Variants in HPD observed in about 807,000 individuals in gnomAD.
HPD encodes 4-hydroxyphenylpyruvate dioxygenase.
HPD carries 35 observed loss-of-function variants against 56.9 expected under a neutral mutation model. The observed-to-expected ratio is 0.62, with a 90% CI of 0.47 to 0.82. HPD has a LOEUF of 0.82. HPD is among the 40% of genes least tolerant of loss of function. HPD has a pLI of 0.00. For missense variants in HPD, 442 were observed against 506.8 expected, an observed-to-expected ratio of 0.87 and a Z score of 1.23; for synonymous variants, 186 against 200.2, an observed-to-expected ratio of 0.93 and a Z score of 0.60.
upstream of HPD, among the ~76,000 whole-genome samples, chr12:121,864,383 T>C (rs1258159559): frequency 6.6e-6 from 1 of 150,422 alleles, no homozygotes; most frequent in Admixed American, 6.6e-5. Context: ...TGAGACCCTG[T>C]CTCTACAAAA....
At chr12:121,865,408 T>C (rs1372262573), upstream of HPD, among the ~76,000 whole-genome samples, 2 of 151,260 alleles carry the variant, frequency 1.3e-5, no homozygotes, top group East Asian at 4.2e-4. Context: ...TAACTGGGAT[T>C]ATGGGTGCCC....
intron 7 of HPD, among the ~76,000 whole-genome samples, chr12:121,851,925 G>A (rs1311672097): frequency 3.3e-5 from 1 of 30,372 alleles, no homozygotes; most frequent in Non-Finnish European, 7.4e-5. Context: ...GGGTTTCACC[G>A]TGTTAGCCAG....
the HPD span, among the ~76,000 whole-genome samples, chr12:121,887,260 C>G: frequency 7.3e-5 from 11 of 151,382 alleles, no homozygotes; most frequent in Non-Finnish European, 5.9e-5. Flanking sequence ...CTATGTTGCC[C>G]AGGCTAGTCT....
intron 2 of HPD, 127 bp downstream of exon 2, chr12:121,858,560 C>T: frequency 2.1e-6 from 2 of 953,448 alleles, no homozygotes; most frequent in East Asian, 2.4e-5. Flanking sequence ...GCTGAGTGTG[C>T]AGGCATGCAC....
intron 11 of HPD, among the ~76,000 whole-genome samples, chr12:121,845,600 CAAA>C (rs368263414): frequency 4.3e-5 from 4 of 92,634 alleles, no homozygotes; most frequent in Non-Finnish European, 2.1e-5. Flanking sequence ...GGCTCCGTCT[CAAA>C]AAAAAAAAAA....
chr12:121,850,894 G>A lies in HPD; in HGVS notation c.415-1104C>T, dbSNP rs552980620. 7.7e-5 allele frequency among the ~76,000 whole-genome samples: 11 copies of A among 142,158 alleles called. No homozygotes were observed. The South Asian group carries it at 2.0e-3, about 26-fold the overall frequency. The allele number at this position is 142,158 out of a possible 152,430, so 93.3% of individuals were successfully genotyped here. A position where few individuals can be genotyped will look rare whatever the true frequency, so the allele number is the denominator to read the frequency against. On this transcript the variant is annotated intron_variant, in intron 7 of 13. Coordinates refer to ENST00000289004, the MANE Select transcript of HPD (RefSeq NM_002150.3). ...TTTTTTTTTTTTGAGACAGAGCTCC[G>A]CTCTTGTTGCCCAGGCTGGAGTGCA...
chr12:121,841,364 C>T (rs936864443), intron 12 of HPD, among the ~76,000 whole-genome samples: 1 of 152,136 alleles, frequency 6.6e-6, no homozygotes, highest in African/African-American at 2.4e-5. Context: ...AGCAAGACTC[C>T]ATCTCTAAAC....
the HPD span, among the ~76,000 whole-genome samples, chr12:121,883,715 T>G: frequency 6.6e-6 from 1 of 150,716 alleles, no homozygotes; most frequent in Non-Finnish European, 1.5e-5. Context: ...AACTGGGTCT[T>G]GCCACGTTGC....
chr12:121,883,181 TGTGTGTGTGTGTG>T, the HPD span, among the ~76,000 whole-genome samples: 10 of 2,300 alleles, frequency 4.3e-3, no homozygotes, highest in African/African-American at 6.8e-3. Context: ...GAGCATAAGT[TGTGTGTGTGTGTG>T]TGTGTGTGTG....
chr12:121,870,696 A>G, the HPD span, among the ~76,000 whole-genome samples: 4 of 148,236 alleles, frequency 2.7e-5, no homozygotes, highest in African/African-American at 1.0e-4. Context: ...TCCTGGGTTC[A>G]AGCGATTCTC....
At chr12:121,886,453 C>A in the HPD span, among the ~76,000 whole-genome samples, 1 of 146,934 alleles carries the variant, frequency 6.8e-6, no homozygotes, top group Non-Finnish European at 1.5e-5. Flanking sequence ...CTTGCTCTGC[C>A]GCTCAGGCAG....
At chr12:121,881,362 CA>C in the HPD span, among the ~76,000 whole-genome samples, 1 of 152,198 alleles carries the variant, frequency 6.6e-6, no homozygotes, top group African/African-American at 2.4e-5. Context: ...TTATCACCTT[CA>C]GCCAACCTGA....
chr12:121,847,276 C>T, intron 9 of HPD, 62 bp from the exon 10 acceptor site: 1 of 1,489,920 alleles, frequency 6.7e-7, no homozygotes, highest in Admixed American at 1.7e-5. Flanking sequence ...CTCCATCACC[C>T]ATTTCCACCT....
rs750266795 is a variant in HPD, at chr12:121,839,986, C to T, written c.1017G>A (p.Pro339=). The change falls in exon 13 of 14, where the codon CCG becomes CCA. Residue 339 remains proline (P), a synonymous_variant. Coordinates refer to ENST00000289004, the MANE Select transcript of HPD (RefSeq NM_002150.3). ...GGAAGAGCGTGGGCCGGTCCTGCAC[C>T]GGTTTGGTGAAGATCTGCAGGAGGT... ...KGYLLQIFTK[P]VQDRPTLFLE... 1.5e-5 allele frequency: 24 copies of T among 1,613,808 alleles called. No individual in the cohort carries two copies. Among genetic ancestry groups the T allele is most frequent in the Non-Finnish European group, 2.0e-5 (24 of 1,179,962 alleles).
the HPD span, among the ~76,000 whole-genome samples, chr12:121,869,207 G>C: frequency 6.6e-6 from 1 of 151,936 alleles, no homozygotes; most frequent in Non-Finnish European, 1.5e-5. Flanking sequence ...AAAATTAACC[G>C]GACATGGTGG....
chr12:121,851,699 ATTTTTTTTT>A (rs1284294966), intron 7 of HPD, among the ~76,000 whole-genome samples: 3 of 12,404 alleles, frequency 2.4e-4, no homozygotes, highest in Non-Finnish European at 5.4e-4. Context: ...TTATTTATTT[ATTTTTTTTT>A]TTTTTTTTTT....
the HPD span, among the ~76,000 whole-genome samples, chr12:121,886,025 C>A: frequency 2.0e-5 from 3 of 151,672 alleles, no homozygotes; most frequent in African/African-American, 7.3e-5. Context: ...GAACTCCTGA[C>A]CTCAGGTGAT....
upstream of HPD, among the ~76,000 whole-genome samples, chr12:121,864,592 G>A (rs942175600): frequency 3.0e-4 from 43 of 145,334 alleles, 1 homozygote; most frequent in African/African-American, 1.1e-3. Flanking sequence ...AGTGGCTCAC[G>A]TCTGTAATCC....
the HPD span, among the ~76,000 whole-genome samples, chr12:121,876,576 A>G: frequency 6.6e-6 from 1 of 152,204 alleles, no homozygotes; most frequent in Admixed American, 6.6e-5. Flanking sequence ...GGGTAAGGTT[A>G]CTCAAGCCCA....
Sources: allele counts gnomAD v4.1 joint callset (sites outside exome capture counted in the v4.1 genomes callset), GRCh38; gene constraint gnomAD v4.1.1; transcripts MANE v1.5; gene names NCBI Gene and HGNC (gene_info 2026-07-23, HGNC 2026-07-21).